The following SLC14A2 variants were observed in gnomAD, a reference collection of about 807,000 sequenced individuals.
The protein encoded by SLC14A2 is solute carrier family 14 member 2.
In SLC14A2, 91 loss-of-function variants were observed where a neutral mutation model predicts 104.6. That is an observed-to-expected ratio of 0.87 (90% CI 0.73 to 1.04). SLC14A2 has a LOEUF of 1.04. SLC14A2 is among the 50% of genes least tolerant of loss of function. The probability of loss-of-function intolerance (pLI) is 0.00; values close to 1 mark genes in which losing one functional copy is unlikely to be tolerated. For missense variants in SLC14A2, 1,189 were observed against 1,156.0 expected (o/e 1.03, Z -0.41); for synonymous variants, 476 against 466.4 (o/e 1.02, Z -0.27).
intron 10 of SLC14A2, among the ~76,000 whole-genome samples, chr18:45,656,460 A>C (rs891470782): frequency 4.6e-5 from 7 of 152,248 alleles, no homozygotes; most frequent in African/African-American, 1.4e-4. Context: ...AATAGGGAGC[A>C]TGTAGGTTAT....
intron 2 of SLC14A2, among the ~76,000 whole-genome samples, chr18:45,523,175 G>A (rs1033830836): frequency 5.0e-5 from 5 of 99,522 alleles, no homozygotes; most frequent in African/African-American, 2.0e-4. Context: ...ACAAAGGAGG[G>A]AAATGCCAAG....
intron 1 of SLC14A2, among the ~76,000 whole-genome samples, chr18:45,432,566 C>G (rs1362593438): frequency 2.0e-5 from 3 of 152,106 alleles, no homozygotes; most frequent in Admixed American, 6.5e-5. Flanking sequence ...CTAGGGGAGA[C>G]AGAGCCCAAG....
the SLC14A2 span, among the ~76,000 whole-genome samples, chr18:45,207,799 T>TA: frequency 6.6e-5 from 10 of 151,860 alleles, no homozygotes; most frequent in South Asian, 6.2e-4. Context: ...TGCATTTTTT[T>TA]TAAAAAAAAG....
intron 1 of SLC14A2, among the ~76,000 whole-genome samples, chr18:45,623,494 A>C (rs2045209331): frequency 6.6e-6 from 1 of 152,200 alleles, no homozygotes. Flanking sequence ...ATTTGAGATA[A>C]GCCTCAAAGA....
intron 1 of SLC14A2, among the ~76,000 whole-genome samples, chr18:45,362,198 T>C (rs1158373694): frequency 2.0e-5 from 3 of 152,250 alleles, no homozygotes; most frequent in African/African-American, 4.8e-5. Context: ...TCCACCACGA[T>C]TGTAAGTTTC....
upstream of SLC14A2, among the ~76,000 whole-genome samples, chr18:45,211,495 A>G (rs2083961406): frequency 6.6e-6 from 1 of 152,214 alleles, no homozygotes; most frequent in Non-Finnish European, 1.5e-5. Context: ...AAAATTACAA[A>G]TTAATTCAAA....
intron 1 of SLC14A2, among the ~76,000 whole-genome samples, chr18:45,426,957 T>C (rs1465934154): frequency 6.6e-6 from 1 of 152,068 alleles, no homozygotes; most frequent in Admixed American, 6.6e-5. Flanking sequence ...TGCCACCACC[T>C]CCTTTCACCT....
intron 2 of SLC14A2, among the ~76,000 whole-genome samples, chr18:45,495,082 T>C (rs1173912564): frequency 1.4e-4 from 21 of 152,024 alleles, no homozygotes; most frequent in Admixed American, 1.4e-3. Flanking sequence ...TTCCCCTAAA[T>C]TGTGGATCTC....
chr18:45,199,275 C>A, the SLC14A2 span, among the ~76,000 whole-genome samples: 1 of 152,018 alleles, frequency 6.6e-6, no homozygotes, highest in South Asian at 2.1e-4. Context: ...GCTCCTGTGT[C>A]TTTAATTTTA....
intron 1 of SLC14A2, among the ~76,000 whole-genome samples, chr18:45,309,903 TTA>T (rs138889371): frequency 3.3e-4 from 49 of 148,614 alleles, no homozygotes; most frequent in Admixed American, 6.0e-4. Flanking sequence ...CATTCTCCAT[TTA>T]TATATATATA....
intron 1 of SLC14A2, among the ~76,000 whole-genome samples, chr18:45,214,914 TAAAAAAAAAA>T (rs11332986): frequency 6.1e-5 from 7 of 113,910 alleles, no homozygotes; most frequent in African/African-American, 2.3e-4. Context: ...ACCATGTCTT[TAAAAAAAAAA>T]AAAAAAAAAA....
At chr18:45,253,602 A>G (rs1317747357) in intron 1 of SLC14A2, among the ~76,000 whole-genome samples, 3 of 151,962 alleles carry the variant, frequency 2.0e-5, no homozygotes, top group Non-Finnish European at 4.4e-5. Context: ...TTCCATCAGC[A>G]GCTGTTAGGA....
intron 2 of SLC14A2, among the ~76,000 whole-genome samples, chr18:45,542,035 GTT>G (rs60977948): frequency 0.015 from 790 of 54,210 alleles, 46 homozygotes; most frequent in African/African-American, 0.044. Flanking sequence ...AAGAGAGAGG[GTT>G]TTTTTTTTTT....
chr18:45,249,226 A>T (rs894882539), intron 1 of SLC14A2, among the ~76,000 whole-genome samples: 1 of 151,644 alleles, frequency 6.6e-6, no homozygotes, highest in African/African-American at 2.4e-5. Flanking sequence ...ATTTTTGGAG[A>T]TGTTTCCTTC....
intron 2 of SLC14A2, among the ~76,000 whole-genome samples, chr18:45,560,628 G>A (rs1193062385): frequency 6.6e-6 from 1 of 152,172 alleles, no homozygotes; most frequent in South Asian, 2.1e-4. Context: ...AATGAAAAGT[G>A]ATAACAAAAA....
At chr18:45,411,504 C>T (rs1437425278) in intron 1 of SLC14A2, among the ~76,000 whole-genome samples, 1 of 152,168 alleles carries the variant, frequency 6.6e-6, no homozygotes, top group Non-Finnish European at 1.5e-5. Flanking sequence ...GAGTCTTCCC[C>T]ATATCACACA....
intron 1 of SLC14A2, among the ~76,000 whole-genome samples, chr18:45,469,689 G>A (rs2087210456): frequency 6.6e-6 from 1 of 152,188 alleles, no homozygotes; most frequent in Non-Finnish European, 1.5e-5. Flanking sequence ...ACATGTTTGT[G>A]AAGTCTTAAA....
At chr18:45,539,495 G>A (rs1031265942) in intron 2 of SLC14A2, among the ~76,000 whole-genome samples, 1 of 152,180 alleles carries the variant, frequency 6.6e-6, no homozygotes, top group Non-Finnish European at 1.5e-5. Flanking sequence ...CCTGGTCTTA[G>A]AGCTGAGGAT....
At chr18:45,446,360 G>A (rs1326596271) in intron 1 of SLC14A2, among the ~76,000 whole-genome samples, 1 of 152,110 alleles carries the variant, frequency 6.6e-6, no homozygotes, top group Non-Finnish European at 1.5e-5. Context: ...TGGGATTAGT[G>A]TCCTTATAAG....
Sources: allele counts gnomAD v4.1 joint callset (sites outside exome capture counted in the v4.1 genomes callset), GRCh38; gene constraint gnomAD v4.1.1; transcripts MANE v1.5; gene names NCBI Gene and HGNC (gene_info 2026-07-23, HGNC 2026-07-21).